WWOX: variants seen among roughly 807,000 people sequenced by gnomAD.
The protein encoded by WWOX is WW domain-containing oxidoreductase.
In WWOX, 69 loss-of-function variants were observed where a neutral mutation model predicts 46.2. The observed-to-expected ratio is 1.49, with a 90% CI of 1.23 to 1.82. The LOEUF (loss-of-function observed/expected upper bound fraction) is 1.82, where lower values mean the gene tolerates loss of function less well. Among genes scored for constraint, WWOX ranks in the 40% most tolerant of loss-of-function variants. The pLI is 0.00. For missense variants in WWOX, 919 were observed against 542.6 expected (o/e 1.69, Z -6.89); for synonymous variants, 359 against 202.6 (o/e 1.77, Z -6.56).
intron 8 of WWOX, among the ~76,000 whole-genome samples, chr16:78,726,677 G>T (rs34464382): frequency 2.0e-5 from 3 of 149,004 alleles, no homozygotes; most frequent in Non-Finnish European, 4.4e-5. Flanking sequence ...AGGGCTTTAT[G>T]TAAAGCCCTA....
chr16:78,652,542 G>C (rs2046990714), intron 8 of WWOX, among the ~76,000 whole-genome samples: 1 of 152,050 alleles, frequency 6.6e-6, no homozygotes, highest in African/African-American at 2.4e-5. Flanking sequence ...CCCCTCAGCA[G>C]TTGACTCACC....
At chr16:78,180,606 C>G (rs1000278906) in intron 5 of WWOX, among the ~76,000 whole-genome samples, 4 of 152,040 alleles carry the variant, frequency 2.6e-5, no homozygotes, top group East Asian at 3.9e-4. Flanking sequence ...GTGGGTAAAT[C>G]CAGTTGCACC....
chr16:78,286,674 C>T (rs2079772159), intron 5 of WWOX, among the ~76,000 whole-genome samples: 2 of 151,590 alleles, frequency 1.3e-5, no homozygotes, highest in Admixed American at 1.3e-4. Flanking sequence ...TTTGGGCAGA[C>T]TCTTCATACT....
chr16:78,578,142 G>A (rs2151583848), intron 8 of WWOX, among the ~76,000 whole-genome samples: 1 of 150,736 alleles, frequency 6.6e-6, no homozygotes, highest in East Asian at 2.0e-4. Flanking sequence ...TAATTAAGCT[G>A]TTGTTGATGC....
intron 8 of WWOX, among the ~76,000 whole-genome samples, chr16:78,591,600 C>G (rs1479102508): frequency 6.6e-6 from 1 of 152,208 alleles, no homozygotes; most frequent in Non-Finnish European, 1.5e-5. Context: ...TTTATCTTCT[C>G]TGTAACCTTA....
chr16:78,674,829 AT>A (rs5818159), intron 8 of WWOX, among the ~76,000 whole-genome samples: 92 of 148,050 alleles, frequency 6.2e-4, no homozygotes, highest in Middle Eastern at 3.5e-3. Flanking sequence ...TTCATTTTTC[AT>A]TTTTTTTTTT....
At chr16:78,935,504 G>A (rs1163654846) in intron 8 of WWOX, among the ~76,000 whole-genome samples, 2 of 150,792 alleles carry the variant, frequency 1.3e-5, no homozygotes, top group Non-Finnish European at 2.9e-5. Flanking sequence ...CTATCACAAG[G>A]ACAAAAAAAC....
At chr16:78,801,593 G>A (rs1404904424) in intron 8 of WWOX, among the ~76,000 whole-genome samples, 1 of 152,058 alleles carries the variant, frequency 6.6e-6, no homozygotes, top group Non-Finnish European at 1.5e-5. Context: ...GTCCTTACTG[G>A]GCAAATTTTT....
intron 5 of WWOX, among the ~76,000 whole-genome samples, chr16:78,361,571 C>T (rs2081410674): frequency 6.6e-6 from 1 of 152,010 alleles, no homozygotes; most frequent in African/African-American, 2.4e-5. Context: ...AATTGGAATT[C>T]TTCTGAAGAA....
chr16:78,194,196 C>G lies in WWOX; in HGVS notation c.516+29907C>G, dbSNP rs1012089244. 7.2e-5 allele frequency among the ~76,000 whole-genome samples: 11 copies of G among 152,026 alleles called. No homozygotes were observed. The South Asian group carries it at 1.9e-3, about 26-fold the overall frequency. ...TTTAATTTTTTAAAACAATATATGT[C>G]TCTTTGGAGTCAGGGTGTTTGTTAC... On this transcript the variant is annotated intron_variant, in intron 5 of 8. Coordinates refer to ENST00000566780, the MANE Select transcript of WWOX (RefSeq NM_016373.4).
At chr16:78,867,681 C>T (rs1410780335) in intron 8 of WWOX, among the ~76,000 whole-genome samples, 1 of 152,082 alleles carries the variant, frequency 6.6e-6, no homozygotes, top group Non-Finnish European at 1.5e-5. Context: ...GCTGGGATTT[C>T]AGGTGCCTGC....
chr16:78,608,132 T>C lies in WWOX; in HGVS notation c.1056+175380T>C, dbSNP rs540224475. Among the ~76,000 whole-genome samples, 27 of 152,286 alleles carry C rather than the reference T, an allele frequency of 1.8e-4. No individual in the cohort carries two copies. The South Asian group carries it at 5.4e-3, about 30-fold the overall frequency. ...GGCTTTCTCCAAGCCTGAGAGTGCC[T>C]GAAACCCAGAGAGGTCGTACGTTGA... On this transcript the variant is annotated intron_variant, in intron 8 of 8. Coordinates refer to ENST00000566780, the MANE Select transcript of WWOX (RefSeq NM_016373.4).
At chr16:79,001,892 C>T (rs1030833356) in intron 8 of WWOX, among the ~76,000 whole-genome samples, 1 of 152,068 alleles carries the variant, frequency 6.6e-6, no homozygotes, top group Non-Finnish European at 1.5e-5. Context: ...AGAGCAACCT[C>T]TTGGCTTATC....
intron 8 of WWOX, among the ~76,000 whole-genome samples, chr16:78,645,923 T>C (rs571029812): frequency 5.3e-5 from 8 of 152,290 alleles, no homozygotes; most frequent in African/African-American, 1.9e-4. Flanking sequence ...GGTGGCCACA[T>C]CTTCCATCCT....
intron 8 of WWOX, among the ~76,000 whole-genome samples, chr16:78,492,722 T>C (rs999699935): frequency 3.9e-5 from 6 of 152,242 alleles, no homozygotes; most frequent in Non-Finnish European, 8.8e-5. Flanking sequence ...CTTTCAAAGT[T>C]ATGATTCAGG....
At chr16:78,914,756 G>A (rs191215316) in intron 8 of WWOX, among the ~76,000 whole-genome samples, 2 of 151,806 alleles carry the variant, frequency 1.3e-5, no homozygotes, top group African/African-American at 4.8e-5. Flanking sequence ...GCAGGCGCCT[G>A]TAGTCCCAGC....
intron 8 of WWOX, among the ~76,000 whole-genome samples, chr16:78,492,531 G>A (rs1267206219): frequency 2.0e-5 from 3 of 152,074 alleles, no homozygotes; most frequent in South Asian, 2.1e-4. Context: ...CCATAACAGC[G>A]AGCAGGAGAC....
intron 8 of WWOX, among the ~76,000 whole-genome samples, chr16:79,157,696 G>C (rs973910931): frequency 6.6e-6 from 1 of 152,236 alleles, no homozygotes; most frequent in Admixed American, 6.5e-5. Context: ...TGAGAGTTGT[G>C]ATGATTGTGA....
intron 8 of WWOX, among the ~76,000 whole-genome samples, chr16:78,936,247 C>T (rs1199966025): frequency 6.6e-6 from 1 of 152,122 alleles, no homozygotes; most frequent in Non-Finnish European, 1.5e-5. Context: ...TGTATGCCCT[C>T]TGTACCTTTG....
Sources: allele counts gnomAD v4.1 joint callset (sites outside exome capture counted in the v4.1 genomes callset), GRCh38; gene constraint gnomAD v4.1.1; transcripts MANE v1.5; gene names NCBI Gene and HGNC (gene_info 2026-07-23, HGNC 2026-07-21).